ZFP1: variants seen among roughly 807,000 people sequenced by gnomAD.
ZFP1 encodes the protein ZFP1 zinc finger protein.
In ZFP1, 32 loss-of-function variants were observed where a neutral mutation model predicts 38.5. The ratio of observed to expected loss-of-function variants is 0.83; its 90% confidence interval spans 0.63 to 1.12. ZFP1 has a LOEUF of 1.12. ZFP1 is among the 50% of genes most tolerant of loss of function. ZFP1 has a pLI of 0.00. For missense variants in ZFP1, 616 were observed against 480.8 expected (o/e 1.28, Z -2.63); for synonymous variants, 245 against 168.8 (o/e 1.45, Z -3.50).
At chr16:75,138,005 T>A in the ZFP1 span, among the ~76,000 whole-genome samples, 11 of 141,326 alleles carry the variant, frequency 7.8e-5, 2 homozygotes, top group East Asian at 4.3e-4. Flanking sequence ...AAAGGCAGGG[T>A]GACATAACCT....
chr16:75,163,120 G>A (rs190158119), intron 2 of ZFP1, among the ~76,000 whole-genome samples: 8 of 151,880 alleles, frequency 5.3e-5, no homozygotes, highest in Admixed American at 4.6e-4. Context: ...TGTTGGCCAG[G>A]TTGGTCTCGA....
chr16:75,163,685 C>T (rs2037909807), intron 2 of ZFP1, among the ~76,000 whole-genome samples: 1 of 150,798 alleles, frequency 6.6e-6, no homozygotes, highest in South Asian at 2.1e-4. Flanking sequence ...GATCACGGTT[C>T]ACTGTAGCCT....
intron 1 of ZFP1, chr16:75,149,262 C>A (rs1333325040): frequency 1.3e-5 from 2 of 152,150 alleles, no homozygotes; most frequent in Non-Finnish European, 2.9e-5. Context: ...CCCGGTGGTA[C>A]TTTATGTGAG....
At chr16:75,123,455 GTATATATA>G in the ZFP1 span, among the ~76,000 whole-genome samples, 6,872 of 87,042 alleles carry the variant, frequency 0.079, 580 homozygotes, top group African/African-American at 0.18. Flanking sequence ...GTGTGTATAT[GTATATATA>G]TATATATATA....
chr16:75,140,167 C>T, the ZFP1 span, among the ~76,000 whole-genome samples: 9 of 151,956 alleles, frequency 5.9e-5, no homozygotes, highest in Admixed American at 5.9e-4. Flanking sequence ...ACTCAGGAGG[C>T]TGAGGCAGGA....
upstream of ZFP1, among the ~76,000 whole-genome samples, chr16:75,144,650 T>C (rs1282553562): frequency 6.6e-6 from 1 of 152,188 alleles, no homozygotes; most frequent in Non-Finnish European, 1.5e-5. Flanking sequence ...CTTCCAGAAC[T>C]TTCTCATTAT....
At chr16:75,123,497 A>ATATG in the ZFP1 span, among the ~76,000 whole-genome samples, 13 of 108,952 alleles carry the variant, frequency 1.2e-4, no homozygotes, top group African/African-American at 5.0e-4. Context: ...ATATATATAT[A>ATATG]TATGTAGGAA....
intron 2 of ZFP1, among the ~76,000 whole-genome samples, chr16:75,161,771 TA>T (rs1457380225): frequency 7.9e-4 from 26 of 33,030 alleles, no homozygotes; most frequent in African/African-American, 2.7e-3. Flanking sequence ...TATATATATA[TA>T]TATTTTTTTT....
At chr16:75,146,571 A>G (rs1485040853), upstream of ZFP1, among the ~76,000 whole-genome samples, 2 of 152,208 alleles carry the variant, frequency 1.3e-5, no homozygotes, top group African/African-American at 4.8e-5. Flanking sequence ...ACTTAGAAGC[A>G]ACCAATGTAT....
the ZFP1 span, among the ~76,000 whole-genome samples, chr16:75,119,180 C>G: frequency 6.6e-6 from 1 of 152,182 alleles, no homozygotes; most frequent in Admixed American, 6.5e-5. Context: ...AGACCTTTCT[C>G]AGATTTGGGG....
intron 1 of ZFP1, chr16:75,149,038 C>G (rs1275082039): frequency 6.6e-6 from 1 of 151,726 alleles, no homozygotes; most frequent in Admixed American, 6.6e-5. Context: ...GGCCACGCCC[C>G]GATGCCCGGT....
At chr16:75,133,333 C>T in the ZFP1 span, among the ~76,000 whole-genome samples, 18 of 152,096 alleles carry the variant, frequency 1.2e-4, no homozygotes, top group Non-Finnish European at 2.6e-4. Flanking sequence ...TAGGTAAACT[C>T]ATGTCATGGG....
intron 2 of ZFP1, among the ~76,000 whole-genome samples, chr16:75,162,825 G>A (rs1597069149): frequency 6.6e-6 from 1 of 152,090 alleles, no homozygotes; most frequent in Non-Finnish European, 1.5e-5. Flanking sequence ...CCATGTTGCT[G>A]CAAAGGATAT....
the ZFP1 span, among the ~76,000 whole-genome samples, chr16:75,140,781 A>T: frequency 3.9e-5 from 6 of 152,178 alleles, no homozygotes; most frequent in Non-Finnish European, 7.3e-5. Flanking sequence ...AACGCGGTGA[A>T]ACCCCGTCTC....
Position 75,169,384 on chromosome 16 carries a change from C to G in ZFP1, c.274C>G (p.Leu92Val). The G allele has an allele frequency of 6.2e-7, 1 of 1,614,160 alleles. No homozygotes were observed. The change falls in exon 4 of 4, where the codon CTG becomes GTG. Residue 92 changes from leucine (L) to valine (V), a missense_variant. Leu to Val is a conservative substitution (Grantham distance 32). Transcript: ENST00000570010. ...CGATCTCTTTGGAAAAGCACTTAAT[C>G]TGAACACAGACTTTGTTTCTTTAAG... ...RGDLFGKALN[L>V]NTDFVSLRQV... is the part of the protein sequence containing the mutation.
chr16:75,134,276 A>T, the ZFP1 span, among the ~76,000 whole-genome samples: 24 of 152,298 alleles, frequency 1.6e-4, no homozygotes, highest in South Asian at 1.5e-3. Context: ...TCTCAAAAAA[A>T]TTTTTTTAAT....
the ZFP1 span, among the ~76,000 whole-genome samples, chr16:75,140,706 T>C: frequency 6.6e-6 from 1 of 152,126 alleles, no homozygotes; most frequent in Admixed American, 6.5e-5. Context: ...ACGCCTGTAA[T>C]CCCAGCACTT....
At chr16:75,123,455 G>GTATGTATATA in the ZFP1 span, among the ~76,000 whole-genome samples, 52 of 87,248 alleles carry the variant, frequency 6.0e-4, no homozygotes, top group Non-Finnish European at 8.5e-4. Flanking sequence ...GTGTGTATAT[G>GTATGTATATA]TATATATATA....
At chr16:75,169,224 G>A (rs199966779) in intron 3 of ZFP1, 29 bp from the exon 4 acceptor site, 15 of 1,571,458 alleles carry the variant, frequency 9.5e-6, no homozygotes, top group Middle Eastern at 3.4e-4. Context: ...CATTGACAAG[G>A]TTCTTTTCAT....
Sources: allele counts gnomAD v4.1 joint callset (sites outside exome capture counted in the v4.1 genomes callset), GRCh38; gene constraint gnomAD v4.1.1; transcripts MANE v1.5; gene names NCBI Gene and HGNC (gene_info 2026-07-23, HGNC 2026-07-21).